SSH2: variants seen among roughly 807,000 people sequenced by gnomAD.
The protein encoded by SSH2 is slingshot protein phosphatase 2.
A neutral mutation model predicts 135.2 loss-of-function variants in SSH2; 37 were observed. The observed-to-expected ratio is 0.27, with a 90% CI of 0.21 to 0.36. The LOEUF is 0.36. Among genes scored for constraint, SSH2 ranks in the 10% least tolerant of loss-of-function variants. The pLI is 1.00. For synonymous variants in SSH2, 628 were observed against 646.2 expected (o/e 0.97, Z 0.43); for missense variants, 1,408 against 1,765.3 (o/e 0.80, Z 3.63).
intron 2 of SSH2, among the ~76,000 whole-genome samples, chr17:29,805,577 A>C (rs2042330214): frequency 6.6e-6 from 1 of 152,206 alleles, no homozygotes; most frequent in African/African-American, 2.4e-5. Flanking sequence ...GTCGGTAGCC[A>C]AGGCGGATGT....
intron 11 of SSH2, among the ~76,000 whole-genome samples, chr17:29,660,893 C>T (rs1171971596): frequency 6.6e-6 from 1 of 151,600 alleles, no homozygotes; most frequent in Non-Finnish European, 1.5e-5. Flanking sequence ...TCCAACTTTA[C>T]TAAAAATACA....
intron 1 of SSH2, among the ~76,000 whole-genome samples, chr17:29,854,333 G>T (rs2065622991): frequency 6.6e-6 from 1 of 151,760 alleles, no homozygotes; most frequent in Admixed American, 6.6e-5. Context: ...AACTGAACAG[G>T]TTACAAAAAC....
chr17:29,861,562 A>G (rs567324528), intron 1 of SSH2, among the ~76,000 whole-genome samples: 16 of 135,044 alleles, frequency 1.2e-4, no homozygotes, highest in Non-Finnish European at 2.5e-4. Context: ...CACCACCATA[A>G]TCTTCTTCTT....
rs746154418 is a variant in SSH2, at chr17:29,636,811, G to T, written c.1428-9C>A. 1.5e-5 allele frequency: 23 copies of T among 1,568,264 alleles called. No homozygotes were observed. Among genetic ancestry groups the T allele is most frequent in the Non-Finnish European group, 1.9e-5 (22 of 1,147,090 alleles). On this transcript the variant is annotated splice_polypyrimidine_tract_variant and intron_variant, in intron 14 of 15. Coordinates refer to ENST00000540801, the MANE Select transcript of SSH2 (RefSeq NM_001282129.2). ...TGTTATGCCGCTGTTTGCTGTGGAG[G>T]ACATACACAGGAAGTATCTTAATCT...
chr17:29,764,095 G>A (rs1441093798), intron 3 of SSH2, among the ~76,000 whole-genome samples: 3 of 151,994 alleles, frequency 2.0e-5, no homozygotes, highest in Non-Finnish European at 1.5e-5. Flanking sequence ...GATTACAGGT[G>A]TGTGCCACCA....
chr17:29,920,580 G>GA (rs1301514925), intron 1 of SSH2, among the ~76,000 whole-genome samples: 39 of 152,132 alleles, frequency 2.6e-4, no homozygotes, highest in African/African-American at 9.2e-4. Flanking sequence ...TGGAAAAAAG[G>GA]AGTGACTGTT....
At chr17:29,733,749 T>C (rs762624807) in intron 3 of SSH2, among the ~76,000 whole-genome samples, 6 of 152,190 alleles carry the variant, frequency 3.9e-5, no homozygotes, top group Non-Finnish European at 8.8e-5. Context: ...AGGGTCAATT[T>C]TGAAAAATCT....
At chr17:29,752,558 T>C (rs573770735) in intron 3 of SSH2, among the ~76,000 whole-genome samples, 2 of 152,202 alleles carry the variant, frequency 1.3e-5, no homozygotes, top group African/African-American at 4.8e-5. Context: ...TTTAAAAATG[T>C]AAACATGCCA....
At chr17:29,665,713 T>G (rs2037241649) in intron 11 of SSH2, among the ~76,000 whole-genome samples, 1 of 152,224 alleles carries the variant, frequency 6.6e-6, no homozygotes, top group African/African-American at 2.4e-5. Flanking sequence ...CTTGTTAACT[T>G]TGTTCCCACT....
intron 1 of SSH2, among the ~76,000 whole-genome samples, chr17:29,861,295 TG>T (rs1466439941): frequency 6.6e-6 from 1 of 152,192 alleles, no homozygotes; most frequent in Non-Finnish European, 1.5e-5. Flanking sequence ...ATAAAATCTT[TG>T]CCTGTTCCTA....
chr17:29,698,222 C>T (rs900227183), intron 4 of SSH2, among the ~76,000 whole-genome samples: 2 of 152,032 alleles, frequency 1.3e-5, no homozygotes, highest in Admixed American at 6.6e-5. Context: ...TAATGGACAT[C>T]GGGTTTATTT....
intron 8 of SSH2, among the ~76,000 whole-genome samples, chr17:29,673,067 A>C (rs182448633): frequency 6.6e-6 from 1 of 152,142 alleles, no homozygotes; most frequent in Non-Finnish European, 1.5e-5. Context: ...CAGGAACCCA[A>C]GAAGAGTAAA....
intron 6 of SSH2, among the ~76,000 whole-genome samples, chr17:29,679,510 G>A (rs1401756779): frequency 6.6e-6 from 1 of 151,924 alleles, no homozygotes; most frequent in African/African-American, 2.4e-5. Context: ...TGGTTCAAGC[G>A]ATTCTCCTGT....
chr17:29,746,053 A>T (rs894986210), intron 3 of SSH2, among the ~76,000 whole-genome samples: 2 of 152,164 alleles, frequency 1.3e-5, no homozygotes, highest in Non-Finnish European at 2.9e-5. Flanking sequence ...GTGAGATTTT[A>T]TTGAGGAGGG....
chr17:29,648,317 G>A lies in SSH2; in HGVS notation c.1254C>T (p.His418=). 1 of 1,613,552 alleles carries A rather than the reference G, an allele frequency of 6.2e-7. No individual in the cohort carries two copies. The part of the protein sequence containing the change: ...AKKHGSKCLV[H]CKMGVSRSAS... ...CTGAGCGACTCACCCCCATTTTGCA[G>A]TGCACAAGGCATTTAGATCCATGTT... The change falls in exon 14 of 16, where the codon CAC becomes CAT. Residue 418 remains histidine (H), a synonymous_variant. Transcript: ENST00000540801.
At chr17:29,842,655 T>C (rs974342383) in intron 2 of SSH2, among the ~76,000 whole-genome samples, 1 of 152,210 alleles carries the variant, frequency 6.6e-6, no homozygotes, top group Non-Finnish European at 1.5e-5. Context: ...GATAAAATCA[T>C]TGAGCTATGC....
chr17:29,705,512 T>C (rs942254350), intron 3 of SSH2, among the ~76,000 whole-genome samples: 1 of 152,186 alleles, frequency 6.6e-6, no homozygotes, highest in Non-Finnish European at 1.5e-5. Context: ...CCCTCGATTA[T>C]CTATCTACTC....
intron 3 of SSH2, among the ~76,000 whole-genome samples, chr17:29,739,641 C>A (rs1031082419): frequency 6.6e-6 from 1 of 152,146 alleles, no homozygotes; most frequent in African/African-American, 2.4e-5. Context: ...ATAATAAATG[C>A]AAATATGACT....
At chr17:29,797,064 T>C (rs149029593) in intron 2 of SSH2, among the ~76,000 whole-genome samples, 4 of 152,236 alleles carry the variant, frequency 2.6e-5, no homozygotes, top group African/African-American at 9.6e-5. Flanking sequence ...TCTCAAGTGA[T>C]CTTCCTGCCT....
Sources: gnomAD v4.1 joint callset for allele counts (sites outside exome capture counted in the v4.1 genomes callset) on GRCh38, gnomAD v4.1.1 for gene constraint, MANE v1.5 for transcripts, NCBI Gene and HGNC (gene_info 2026-07-23, HGNC 2026-07-21) for gene names.